CDKAL1: variants seen among roughly 807,000 people sequenced by gnomAD.
CDKAL1 encodes CDKAL1 threonylcarbamoyladenosine tRNA methylthiotransferase, also known as threonylcarbamoyladenosine tRNA methylthiotransferase.
CDKAL1 carries 32 observed loss-of-function variants against 68.2 expected under a neutral mutation model. That is an observed-to-expected ratio of 0.47 (90% CI 0.35 to 0.63). The LOEUF (loss-of-function observed/expected upper bound fraction) is 0.63. Ranked by LOEUF, CDKAL1 falls within the 30% of genes least tolerant of loss-of-function variation. The pLI, the probability that CDKAL1 is intolerant of heterozygous loss-of-function variation, is 0.00. For synonymous variants in CDKAL1, 234 were observed against 244.3 expected, an observed-to-expected ratio of 0.96 and a Z score of 0.39; for missense variants, 606 against 696.7, an observed-to-expected ratio of 0.87 and a Z score of 1.47.
Position 20,539,515 on chromosome 6 carries a change from A to G in CDKAL1, c.-6+4121A>G, listed in dbSNP as rs889506305. On this transcript the variant is annotated intron_variant, in intron 2 of 15. Transcript: ENST00000274695. The surrounding 1 kb of genome is among the most constrained non-coding windows in gnomAD (Gnocchi z 4.3). ...TGGTGAGGTGGGGGTGTTGGTTGGAAAGTCCTCTCTTGTTACACTTGAGCA... is the reference window on the plus strand; with the variant it reads ...TGGTGAGGTGGGGGTGTTGGTTGGAGAGTCCTCTCTTGTTACACTTGAGCA... Among the ~76,000 whole-genome samples the G allele has an allele frequency of 6.6e-6, 1 of 152,138 alleles. No individual in the cohort carries two copies. The highest frequency in any genetic ancestry group is 2.4e-5 in the African/African-American group (1 of 41,430).
Position 21,037,878 on chromosome 6 carries a change from A to G in CDKAL1, c.1056-27170A>G, listed in dbSNP as rs534713575. On this transcript the variant is annotated intron_variant, in intron 11 of 15. Coordinates refer to ENST00000274695, the MANE Select transcript of CDKAL1 (RefSeq NM_017774.3). ...CACCTATTACAGATAAAAGTTGACA[A>G]TCAGATCTCAATAAATATTATTTAT... Among the ~76,000 whole-genome samples the G allele has an allele frequency of 1.4e-4, 21 of 152,350 alleles. No individual in the cohort carries two copies. The South Asian group carries it at 4.3e-3, about 32-fold the overall frequency.
At chr6:21,192,685 G>A (rs1212744758) in intron 13 of CDKAL1, among the ~76,000 whole-genome samples, 2 of 151,816 alleles carry the variant, frequency 1.3e-5, no homozygotes, top group East Asian at 3.9e-4. Context: ...TTAACCTCTA[G>A]CATGTTACAG....
intron 6 of CDKAL1, among the ~76,000 whole-genome samples, chr6:20,752,494 T>TAC (rs1245221006): frequency 4.6e-5 from 7 of 151,914 alleles, no homozygotes; most frequent in South Asian, 4.2e-4. Context: ...TGCACACATG[T>TAC]ACACACACAC....
chr6:20,695,956 C>A (rs1428441409), intron 5 of CDKAL1, among the ~76,000 whole-genome samples: 1 of 152,188 alleles, frequency 6.6e-6, no homozygotes, highest in Non-Finnish European at 1.5e-5. Context: ...CTTCCAATCC[C>A]TGGTAACGAC....
At chr6:21,007,667 T>C (rs964143067) in intron 11 of CDKAL1, among the ~76,000 whole-genome samples, 4 of 152,188 alleles carry the variant, frequency 2.6e-5, no homozygotes, top group Non-Finnish European at 5.9e-5. Flanking sequence ...ATACCGATAA[T>C]ACTTAACATG....
intron 4 of CDKAL1, among the ~76,000 whole-genome samples, chr6:20,593,491 G>T (rs1423122881): frequency 6.6e-6 from 1 of 151,618 alleles, no homozygotes; most frequent in African/African-American, 2.4e-5. Flanking sequence ...ATGATAGTTT[G>T]TATTTCTGGG....
At position 20,710,904 on chromosome 6, in the gene CDKAL1, G is replaced by C. The variant is rs534322575; in HGVS notation, c.372-28615G>C. Among the ~76,000 whole-genome samples, 127 of 152,224 alleles carry C rather than the reference G, an allele frequency of 8.3e-4. 1 individual carries two copies. Among genetic ancestry groups the C allele is most frequent in the Non-Finnish European group, 1.2e-3 (81 of 67,980 alleles). On this transcript the variant is annotated intron_variant, in intron 5 of 15. Transcript: ENST00000274695. ...ATTGGAATCCAAATTTCTGGTTCTG[G>C]TCCTACCTATTGACATGATTTCTAG...
chr6:20,989,470 G>T (rs1766671564), intron 10 of CDKAL1, among the ~76,000 whole-genome samples: 1 of 152,148 alleles, frequency 6.6e-6, no homozygotes. Flanking sequence ...GGATAATCAG[G>T]TCATAGATAA....
intron 4 of CDKAL1, among the ~76,000 whole-genome samples, chr6:20,630,723 A>T (rs1000727402): frequency 1.2e-4 from 18 of 152,280 alleles, no homozygotes; most frequent in African/African-American, 4.3e-4. Flanking sequence ...GCTAGCATGG[A>T]ATCAGCTTGC....
chr6:21,114,247 CAAAA>C (rs55859447), intron 13 of CDKAL1, among the ~76,000 whole-genome samples: 45,245 of 101,498 alleles, frequency 0.45, 7,325 homozygotes, highest in African/African-American at 0.53. Flanking sequence ...GACTCTGTCT[CAAAA>C]AAAAAAAAAA....
At chr6:20,872,846 C>G (rs1202353111) in intron 9 of CDKAL1, among the ~76,000 whole-genome samples, 1 of 151,992 alleles carries the variant, frequency 6.6e-6, no homozygotes, top group Non-Finnish European at 1.5e-5. Flanking sequence ...GGGTTAGAAC[C>G]AAAGGATATT....
In CDKAL1 at chr6:20,679,192, T is replaced by A. The variant is rs552663423; in HGVS notation, c.371+29815T>A. On this transcript the variant is annotated intron_variant, in intron 5 of 15. Transcript: ENST00000274695. ...CTGGCCTCCCAAAGTGTTGGGATTA[T>A]AGGCATGAGCCACTGTATCCGGTTT... Among the ~76,000 whole-genome samples, 8 of 152,350 alleles carry A rather than the reference T, an allele frequency of 5.3e-5. No individual in the cohort carries two copies. The East Asian group carries it at 1.5e-3, about 29-fold the overall frequency.
chr6:20,918,483 T>G (rs1258284528), intron 9 of CDKAL1, among the ~76,000 whole-genome samples: 1 of 152,234 alleles, frequency 6.6e-6, no homozygotes, highest in Non-Finnish European at 1.5e-5. Flanking sequence ...GGGGGCTATA[T>G]TCCAGTAAAC....
chr6:20,594,270 G>T (rs180698467), intron 4 of CDKAL1, among the ~76,000 whole-genome samples: 4 of 152,192 alleles, frequency 2.6e-5, no homozygotes, highest in African/African-American at 9.7e-5. Flanking sequence ...AATGTTGACA[G>T]TGGGGTGTTA....
At chr6:21,107,230 A>G (rs1267782187) in intron 12 of CDKAL1, among the ~76,000 whole-genome samples, 2 of 151,756 alleles carry the variant, frequency 1.3e-5, no homozygotes, top group Non-Finnish European at 2.9e-5. Flanking sequence ...TACAGGCGTG[A>G]GCCACCGTGC....
intron 10 of CDKAL1, among the ~76,000 whole-genome samples, chr6:20,972,403 T>C (rs1202955565): frequency 6.6e-6 from 1 of 152,332 alleles, no homozygotes; most frequent in African/African-American, 2.4e-5. Flanking sequence ...GTTAAGTTTC[T>C]CAAGGCACCA....
intron 9 of CDKAL1, among the ~76,000 whole-genome samples, chr6:20,917,247 C>A (rs190667189): frequency 1.6e-3 from 241 of 152,240 alleles, no homozygotes; most frequent in Non-Finnish European, 2.7e-3. Context: ...TCCCAAAGTG[C>A]TGGGATTACA....
At chr6:20,691,937 A>G (rs1382011784) in intron 5 of CDKAL1, among the ~76,000 whole-genome samples, 1 of 152,128 alleles carries the variant, frequency 6.6e-6, no homozygotes, top group Non-Finnish European at 1.5e-5. Context: ...AAGTATGTAT[A>G]TAATTTATAA....
chr6:21,044,104 CA>C (rs1046172572), intron 11 of CDKAL1, among the ~76,000 whole-genome samples: 10 of 152,094 alleles, frequency 6.6e-5, no homozygotes, highest in African/African-American at 2.4e-4. Context: ...ATGTTGTACC[CA>C]AAAACCTCTG....
Sources: allele counts gnomAD v4.1 joint callset (sites outside exome capture counted in the v4.1 genomes callset), GRCh38; gene constraint gnomAD v4.1.1; non-coding constraint Gnocchi (gnomAD v3.1); transcripts MANE v1.5; gene names NCBI Gene and HGNC (gene_info 2026-07-23, HGNC 2026-07-21).